AGO2: variants seen among roughly 807,000 people sequenced by gnomAD.
AGO2 encodes the protein protein argonaute-2.
A neutral mutation model predicts 102.3 loss-of-function variants in AGO2; 5 were observed. The observed-to-expected ratio is 0.05, with a 90% CI of 0.03 to 0.10. The LOEUF is 0.10. Among genes scored for constraint, AGO2 ranks in the 10% least tolerant of loss-of-function variants. The pLI is 1.00. For missense variants in AGO2, 541 were observed against 1,183.7 expected, an observed-to-expected ratio of 0.46 and a Z score of 7.97; for synonymous variants, 449 against 473.1, an observed-to-expected ratio of 0.95 and a Z score of 0.66.
intron 1 of AGO2, among the ~76,000 whole-genome samples, chr8:140,587,935 C>T (rs1020087291): frequency 6.6e-5 from 10 of 152,156 alleles, no homozygotes; most frequent in Admixed American, 1.3e-4. Context: ...GTCCAACAGC[C>T]GAGTCCCAAA....
intron 17 of AGO2, among the ~76,000 whole-genome samples, chr8:140,533,690 C>T (rs1170442301): frequency 6.6e-6 from 1 of 151,928 alleles, no homozygotes; most frequent in Admixed American, 6.5e-5. Flanking sequence ...GCCTGTAATC[C>T]CAGCTACCCA....
At chr8:140,541,591 TAAACAAAACAAAACA>T (rs137961668) in intron 14 of AGO2, 13 of 438,160 alleles carry the variant, frequency 3.0e-5, no homozygotes, top group African/African-American at 2.7e-4. Context: ...TTACATAGTT[TAAACAAAACAAAACA>T]AAACAAAACA....
intron 1 of AGO2, among the ~76,000 whole-genome samples, chr8:140,613,004 C>A (rs950720317): frequency 2.6e-5 from 4 of 152,138 alleles, no homozygotes; most frequent in Admixed American, 2.6e-4. Context: ...TCGACACCAT[C>A]CTGGCTAACA....
At chr8:140,630,030 C>G (rs569777381) in intron 1 of AGO2, among the ~76,000 whole-genome samples, 3 of 152,204 alleles carry the variant, frequency 2.0e-5, no homozygotes, top group South Asian at 2.1e-4. Context: ...CTCCCACACC[C>G]TGCTTCTCCC....
intron 3 of AGO2, among the ~76,000 whole-genome samples, chr8:140,566,931 T>A (rs1429008539): frequency 6.6e-6 from 1 of 151,588 alleles, no homozygotes; most frequent in Admixed American, 6.6e-5. Context: ...AGCTTGGGAG[T>A]GGGAGAGCGC....
At chr8:140,563,596 C>T (rs2073236195) in intron 3 of AGO2, among the ~76,000 whole-genome samples, 2 of 152,172 alleles carry the variant, frequency 1.3e-5, no homozygotes, top group South Asian at 4.1e-4. Context: ...TAACCCAAGG[C>T]CACAAAGCCA....
rs536983988 is a variant in AGO2, at chr8:140,552,993, T to G, written c.1270-1557A>C. ...ACATTGCTTTCTGAGGGATATTTTGTTTTTTTGCACTAACAATGGACCAGG... is the reference window on the plus strand; with the variant it reads ...ACATTGCTTTCTGAGGGATATTTTGGTTTTTTGCACTAACAATGGACCAGG... On this transcript the variant is annotated intron_variant, in intron 10 of 18. Transcript: ENST00000220592. 5.3e-5 allele frequency among the ~76,000 whole-genome samples: 8 copies of G among 152,318 alleles called. No homozygotes were observed. In the East Asian group the frequency reaches 7.7e-4, roughly 15 times the overall value.
In AGO2 at chr8:140,604,643, G is replaced by A. The variant is rs144729304; in HGVS notation, c.23-19332C>T. 2.8e-3 allele frequency among the ~76,000 whole-genome samples: 419 copies of A among 152,222 alleles called. 6 individuals are homozygous for A. The highest frequency in any genetic ancestry group is 4.4e-3 in the Non-Finnish European group (300 of 67,998). On this transcript the variant is annotated intron_variant, in intron 1 of 18. Coordinates refer to ENST00000220592, the MANE Select transcript of AGO2 (RefSeq NM_012154.5). ...AGATAGAGACCATACTGGCCAACAC[G>A]GTGAAACCCCGTCTCTACTAAAAAT...
At chr8:140,601,345 C>G (rs2073930863) in intron 1 of AGO2, among the ~76,000 whole-genome samples, 1 of 152,190 alleles carries the variant, frequency 6.6e-6, no homozygotes, top group Non-Finnish European at 1.5e-5. Context: ...ACGGTGCATG[C>G]CCCCAGCAGC....
rs749725024 is a variant in AGO2, at chr8:140,551,344, C to T, written c.1362G>A (p.Ala454=). The change falls in exon 11 of 19, where the codon GCG becomes GCA. Residue 454 remains alanine, a synonymous_variant. Coordinates refer to ENST00000220592, the MANE Select transcript of AGO2 (RefSeq NM_012154.5). ...TGIEIKVWAI[A]CFAPQRQCTE... The stretch of plus-strand genomic sequence containing the variant: ...TGCACTGGCGCTGGGGGGCGAAGCA[C>T]GCAATGGCCCACACCTTGATCTCGA... 10 of 1,586,168 alleles carry T rather than the reference C, an allele frequency of 6.3e-6. No individual in the cohort carries two copies. The Admixed American group carries it at 8.5e-5, about 14-fold the overall frequency.
rs1380109487 is a variant in AGO2 at position 140,560,521 on chromosome 8, G to A, written c.519-11C>T. On this transcript the variant is annotated splice_polypyrimidine_tract_variant and intron_variant, in intron 4 of 18. Transcript: ENST00000220592. ...CCCACGGGGGTGTACCTGGAACCAA[G>A]AGACCCCACCCCGCCTCCCGTCAGA... 1.2e-6 allele frequency: 2 copies of A among 1,606,218 alleles called. No individual in the cohort carries two copies. The highest frequency in any genetic ancestry group is 2.2e-5 in the East Asian group (1 of 44,618).
intron 5 of AGO2, 127 bp downstream of exon 5, chr8:140,560,247 G>T (rs1011899751): frequency 7.2e-7 from 1 of 1,383,166 alleles, no homozygotes; most frequent in East Asian, 2.4e-5. Flanking sequence ...CAGGTGTCAC[G>T]CAGCGGCGCT....
intron 2 of AGO2, among the ~76,000 whole-genome samples, chr8:140,575,927 ATG>A (rs1178779413): frequency 6.6e-6 from 1 of 152,220 alleles, no homozygotes; most frequent in Non-Finnish European, 1.5e-5. Context: ...TTTCTAAGAA[ATG>A]TCCCTAAAGG....
chr8:140,640,600 A>T (rs1171000467), upstream of AGO2, among the ~76,000 whole-genome samples: 1 of 149,532 alleles, frequency 6.7e-6, no homozygotes, highest in Non-Finnish European at 1.5e-5. Context: ...GCTCACTGCA[A>T]CCTCCACCTC....
intron 16 of AGO2, among the ~76,000 whole-genome samples, chr8:140,538,968 G>A (rs915082677): frequency 6.6e-6 from 1 of 152,146 alleles, no homozygotes; most frequent in East Asian, 1.9e-4. Flanking sequence ...ACCAGGTGTG[G>A]TGGTGCATGC....
Position 140,597,481 on chromosome 8 carries a change from C to G in AGO2, c.23-12170G>C, listed in dbSNP as rs1374382416. 1.8e-4 allele frequency among the ~76,000 whole-genome samples: 26 copies of G among 143,056 alleles called. 1 individual carries two copies. The highest frequency in any genetic ancestry group is 3.5e-3 in the Middle Eastern group (1 of 282). The allele number at this position is 143,056 out of a possible 152,430, so 93.9% of individuals were successfully genotyped here. On this transcript the variant is annotated intron_variant, in intron 1 of 18. Transcript: ENST00000220592. ...GGGCTGGGTGGCCCCCCCACCCCCCCCCCCCCGCCCCAGGCCTCCCTGCCT... is the reference window on the plus strand; with the variant it reads ...GGGCTGGGTGGCCCCCCCACCCCCCGCCCCCCGCCCCAGGCCTCCCTGCCT...
the AGO2 span, among the ~76,000 whole-genome samples, chr8:140,641,108 C>G: frequency 1.3e-5 from 2 of 152,114 alleles, no homozygotes; most frequent in Non-Finnish European, 2.9e-5. Context: ...GTGTGGGCAA[C>G]AGAGTGGGAC....
At chr8:140,635,433 C>T (rs2074394887) in intron 1 of AGO2, 52 bp downstream of exon 1, 2 of 979,168 alleles carry the variant, frequency 2.0e-6, no homozygotes, top group Non-Finnish European at 2.4e-6. Flanking sequence ...CCGCCAACCA[C>T]GGGCAGGAGC....
chr8:140,624,928 C>A (rs574517447), intron 1 of AGO2, among the ~76,000 whole-genome samples: 1 of 152,322 alleles, frequency 6.6e-6, no homozygotes, highest in Non-Finnish European at 1.5e-5. Flanking sequence ...GGCACACACC[C>A]CCATCCCGCT....
Sources: allele counts gnomAD v4.1 joint callset (sites outside exome capture counted in the v4.1 genomes callset), GRCh38; gene constraint gnomAD v4.1.1; transcripts MANE v1.5; gene names NCBI Gene and HGNC (gene_info 2026-07-23, HGNC 2026-07-21).